The following AGBL1 variants were observed in gnomAD, a reference collection of about 807,000 sequenced individuals.
The protein encoded by AGBL1 is cytosolic carboxypeptidase 4.
A neutral mutation model predicts 118.9 loss-of-function variants in AGBL1; 130 were observed. That is an observed-to-expected ratio of 1.09 (90% CI 0.95 to 1.26). The LOEUF is 1.26. Among genes scored for constraint, AGBL1 ranks in the 50% most tolerant of loss-of-function variants. The probability of loss-of-function intolerance (pLI) is 0.00; values close to 1 mark genes in which losing one functional copy is unlikely to be tolerated. For synonymous variants in AGBL1, 555 were observed against 478.9 expected (o/e 1.16, Z -2.08); for missense variants, 1,584 against 1,298.1 (o/e 1.22, Z -3.38).
At position 86,668,949 on chromosome 15, in the gene AGBL1, A is replaced by G. The variant is rs936544967; in HGVS notation, c.2995-5324A>G. Among the ~76,000 whole-genome samples, 3 of 152,182 alleles carry G rather than the reference A, an allele frequency of 2.0e-5. No individual in the cohort carries two copies. The South Asian group carries it at 6.2e-4, about 31-fold the overall frequency. On this transcript the variant is annotated intron_variant, in intron 21 of 22. Transcript: ENST00000614907. ...CAAGCAGATTTGGAATCACAATTCA[A>G]ATGTACCTGTAGCTCAAAAGGCCTC...
chr15:86,228,427 A>G (rs1338730237), intron 6 of AGBL1, among the ~76,000 whole-genome samples: 3 of 152,170 alleles, frequency 2.0e-5, no homozygotes, highest in Non-Finnish European at 2.9e-5. Flanking sequence ...CGTTCTCTGT[A>G]ATTGCATCCC....
At chr15:86,245,310 A>T (rs1381403905) in intron 6 of AGBL1, among the ~76,000 whole-genome samples, 1 of 152,226 alleles carries the variant, frequency 6.6e-6, no homozygotes, top group African/African-American at 2.4e-5. Flanking sequence ...TGCTTATCTG[A>T]TTATACCTCA....
At chr15:86,262,719 T>A in intron 9 of AGBL1, 59 bp from the exon 10 acceptor site, 1 of 1,166,376 alleles carries the variant, frequency 8.6e-7, no homozygotes, top group South Asian at 1.3e-5. Flanking sequence ...TATCATGTCT[T>A]GATGCTTCTC....
intron 21 of AGBL1, among the ~76,000 whole-genome samples, chr15:86,634,368 A>G (rs1255554029): frequency 6.6e-6 from 1 of 152,174 alleles, no homozygotes; most frequent in East Asian, 1.9e-4. Context: ...CATAGGGTGG[A>G]TTTGATGGAA....
intron 22 of AGBL1, among the ~76,000 whole-genome samples, chr15:86,807,182 C>T (rs1308498598): frequency 6.6e-6 from 1 of 152,150 alleles, no homozygotes; most frequent in Non-Finnish European, 1.5e-5. Context: ...AGCCAATGTG[C>T]CATGCATTCG....
chr15:86,281,825 C>T (rs1226496745), intron 16 of AGBL1, among the ~76,000 whole-genome samples: 1 of 152,148 alleles, frequency 6.6e-6, no homozygotes, highest in African/African-American at 2.4e-5. Flanking sequence ...AACATGCAGT[C>T]GTTTTATGAG....
rs181038272 is a variant in AGBL1, at chr15:86,208,446, G to A, written c.489-16468G>A. ...TAGAATTTGGCTGTGAATCCATCTG[G>A]TCCTGGACTTTTTGGATTGGTAGGC... On this transcript the variant is annotated intron_variant, in intron 5 of 22. Transcript: ENST00000614907. Among the ~76,000 whole-genome samples the A allele has an allele frequency of 6.5e-4, 99 of 152,260 alleles. No individual in the cohort carries two copies. In the East Asian group the frequency reaches 0.017, roughly 26 times the overall value.
At chr15:86,673,866 G>A (rs1026875122) in intron 21 of AGBL1, among the ~76,000 whole-genome samples, 18 of 152,088 alleles carry the variant, frequency 1.2e-4, no homozygotes, top group African/African-American at 4.3e-4. Context: ...AAATTCAGAG[G>A]AAGGAAAAGT....
chr15:86,157,837 A>G (rs1265921428), intron 4 of AGBL1, among the ~76,000 whole-genome samples: 1 of 152,200 alleles, frequency 6.6e-6, no homozygotes, highest in Non-Finnish European at 1.5e-5. Context: ...ATGTTCACAG[A>G]GCTGCCGGAG....
At chr15:86,580,508 T>C (rs7167352) in intron 21 of AGBL1, among the ~76,000 whole-genome samples, 118,150 of 151,854 alleles carry the variant, frequency 0.78, 46,211 homozygotes, top group African/African-American at 0.84. Flanking sequence ...GTTACATGCA[T>C]ATTTTTCTAG....
intron 22 of AGBL1, among the ~76,000 whole-genome samples, chr15:86,839,035 A>G (rs2079208691): frequency 6.7e-6 from 1 of 150,272 alleles, no homozygotes; most frequent in African/African-American, 2.4e-5. Flanking sequence ...CTCTTCTTCC[A>G]GGAGAACCTA....
At chr15:86,363,398 T>C (rs1050358603) in intron 17 of AGBL1, among the ~76,000 whole-genome samples, 1 of 152,128 alleles carries the variant, frequency 6.6e-6, no homozygotes, top group Non-Finnish European at 1.5e-5. Flanking sequence ...TTTCTCATGA[T>C]TATAAGCCTC....
chr15:86,855,930 AT>A (rs1464489561), intron 22 of AGBL1, among the ~76,000 whole-genome samples: 1 of 152,202 alleles, frequency 6.6e-6, no homozygotes, highest in Non-Finnish European at 1.5e-5. Context: ...AGCTAGAATG[AT>A]TTATTGAAAA....
At chr15:86,349,285 C>T (rs185629811) in intron 17 of AGBL1, among the ~76,000 whole-genome samples, 27 of 152,186 alleles carry the variant, frequency 1.8e-4, no homozygotes, top group Admixed American at 2.6e-4. Flanking sequence ...GAAATTAATA[C>T]GCTGGGAATG....
chr15:86,445,413 G>T (rs368499433), intron 18 of AGBL1, among the ~76,000 whole-genome samples: 12 of 152,244 alleles, frequency 7.9e-5, no homozygotes, highest in African/African-American at 2.9e-4. Flanking sequence ...CTCAGTGAAG[G>T]CTTGGTCAGG....
intron 22 of AGBL1, among the ~76,000 whole-genome samples, chr15:86,879,015 G>A (rs1257925812): frequency 1.3e-5 from 2 of 152,240 alleles, no homozygotes; most frequent in Admixed American, 1.3e-4. Flanking sequence ...CCTGGCAGGA[G>A]CATGAGTCAG....
At chr15:86,769,401 T>C (rs1399527216) in intron 22 of AGBL1, among the ~76,000 whole-genome samples, 1 of 152,000 alleles carries the variant, frequency 6.6e-6, no homozygotes. Flanking sequence ...AATTTGGCTA[T>C]AAATGCCTTT....
intron 21 of AGBL1, among the ~76,000 whole-genome samples, chr15:86,562,723 A>C (rs1172284048): frequency 1.3e-5 from 2 of 152,192 alleles, no homozygotes; most frequent in Non-Finnish European, 2.9e-5. Flanking sequence ...GAATGGTACC[A>C]GCTCCTCCTT....
At chr15:86,221,750 A>G (rs2078283811) in intron 5 of AGBL1, among the ~76,000 whole-genome samples, 1 of 151,788 alleles carries the variant, frequency 6.6e-6, no homozygotes, top group South Asian at 2.1e-4. Context: ...CATATTTACA[A>G]ACTTTTTTTT....
Sources: gnomAD v4.1 joint callset for allele counts (sites outside exome capture counted in the v4.1 genomes callset) on GRCh38, gnomAD v4.1.1 for gene constraint, MANE v1.5 for transcripts, NCBI Gene and HGNC (gene_info 2026-07-23, HGNC 2026-07-21) for gene names.